RIPOR3: variants seen among roughly 807,000 people sequenced by gnomAD.
RIPOR3 encodes RIPOR family member 3, also known as family with sequence similarity 65 member C.
RIPOR3 carries 95 observed loss-of-function variants against 114.3 expected under a neutral mutation model. The ratio of observed to expected loss-of-function variants is 0.83; its 90% CI spans 0.70 to 0.99. The LOEUF is 0.99. Among genes scored for constraint, RIPOR3 ranks in the 50% least tolerant of loss-of-function variants. RIPOR3 has a pLI of 0.00. For synonymous variants in RIPOR3, 575 were observed against 543.8 expected (o/e 1.06, Z -0.80); for missense variants, 1,252 against 1,266.9 (o/e 0.99, Z 0.18).
chr20:50,689,449 T>G lies in RIPOR3; in HGVS notation c.3+1677A>C, dbSNP rs370008477. On this transcript the variant is annotated intron_variant, in intron 1 of 21. Coordinates refer to ENST00000327979, the MANE Select transcript of RIPOR3 (RefSeq NM_001290268.2). ...CCTTGGCCTCTCAAAGTGCTGAGAT[T>G]ACAGGCGTGAGCCACCGCGCCCAGC... 5.9e-5 allele frequency among the ~76,000 whole-genome samples: 9 copies of G among 152,306 alleles called. No homozygotes were observed. The East Asian group carries it at 1.7e-3, about 29-fold the overall frequency.
rs1017276420 is a variant in RIPOR3, at chr20:50,689,419, G to A, written c.3+1707C>T. On this transcript the variant is annotated intron_variant, in intron 1 of 21. Coordinates refer to ENST00000327979, the MANE Select transcript of RIPOR3 (RefSeq NM_001290268.2). ...TCAAACACCTGACTTCAGGTGATCCGCCTGCCTTGGCCTCTCAAAGTGCTG... is the reference window on the plus strand; with the variant it reads ...TCAAACACCTGACTTCAGGTGATCCACCTGCCTTGGCCTCTCAAAGTGCTG... 3.9e-5 allele frequency among the ~76,000 whole-genome samples: 6 copies of A among 152,182 alleles called. No homozygotes were observed. In the East Asian group the frequency reaches 5.8e-4, roughly 15 times the overall value.
chr20:50,671,414 GTGCACGCGCGCGCGCA>G (rs1327280617), intron 1 of RIPOR3, among the ~76,000 whole-genome samples: 1 of 85,728 alleles, frequency 1.2e-5, no homozygotes, highest in Non-Finnish European at 2.3e-5. Context: ...GCACGCGCGC[GTGCACGCGCGCGCGCA>G]CACACACACA....
chr20:50,608,518 C>T lies in RIPOR3; in HGVS notation c.827G>A (p.Gly276Asp), dbSNP rs781067754. The T allele has an allele frequency of 1.9e-6, 3 of 1,613,704 alleles. No homozygotes were observed. Among genetic ancestry groups the T allele is most frequent in the Non-Finnish European group, 2.5e-6 (3 of 1,179,920 alleles). ...TGCACCCACAGCCAGCGAGCCCAGG[C>T]CCCGCAACTCCGTCACCTGGGGGTG... Reference protein sequence around the residue: ...NLDIKVTELRGLGSLAVGAVT... With the variant: ...NLDIKVTELRDLGSLAVGAVT... Residue 276 changes from glycine to aspartate, a missense_variant, in exon 11 of 22, where the codon GGC becomes GAC. Transcript: ENST00000327979.
chr20:50,635,886 A>G (rs1251171739), intron 1 of RIPOR3, among the ~76,000 whole-genome samples: 2 of 152,176 alleles, frequency 1.3e-5, no homozygotes, highest in African/African-American at 4.8e-5. Flanking sequence ...GACCTCCTCC[A>G]GCGGGGAAGA....
intron 1 of RIPOR3, among the ~76,000 whole-genome samples, chr20:50,641,153 C>T (rs1397717393): frequency 2.6e-5 from 4 of 151,950 alleles, no homozygotes; most frequent in Admixed American, 1.3e-4. Context: ...TCAGGTAATC[C>T]GCCTGCCTCG....
At chr20:50,603,340 G>C (rs954286328) in intron 12 of RIPOR3, among the ~76,000 whole-genome samples, 2 of 152,212 alleles carry the variant, frequency 1.3e-5, no homozygotes, top group Non-Finnish European at 2.9e-5. Flanking sequence ...CTGGGCTCAA[G>C]CAATTCTCCT....
At chr20:50,664,757 C>T (rs1266755631) in intron 1 of RIPOR3, among the ~76,000 whole-genome samples, 3 of 151,950 alleles carry the variant, frequency 2.0e-5, no homozygotes, top group Admixed American at 6.6e-5. Context: ...TATGGGCTCA[C>T]TAGGAAAGGG....
intron 1 of RIPOR3, among the ~76,000 whole-genome samples, chr20:50,647,149 G>A (rs1165106116): frequency 6.6e-6 from 1 of 152,108 alleles, no homozygotes; most frequent in Non-Finnish European, 1.5e-5. Flanking sequence ...GCAAAACCCT[G>A]TCTCTATTAA....
At chr20:50,590,879 A>G (rs973234511) in intron 19 of RIPOR3, among the ~76,000 whole-genome samples, 4 of 150,800 alleles carry the variant, frequency 2.7e-5, no homozygotes, top group Non-Finnish European at 5.9e-5. Flanking sequence ...CAGTAGCACA[A>G]TCTCGGCTCC....
At chr20:50,611,271 G>A (rs2083969395) in intron 4 of RIPOR3, 67 bp from the exon 5 acceptor site, 10 of 1,607,586 alleles carry the variant, frequency 6.2e-6, no homozygotes, top group African/African-American at 5.3e-5. Flanking sequence ...AGGCCTATGA[G>A]GCTCTATGCT....
chr20:50,622,943 T>C (rs2084472631), intron 2 of RIPOR3, among the ~76,000 whole-genome samples: 2 of 152,136 alleles, frequency 1.3e-5, no homozygotes, highest in African/African-American at 4.8e-5. Context: ...CCTATCTGTA[T>C]CTTTCCCCTG....
chr20:50,600,032 C>G (rs1049523950), intron 13 of RIPOR3, among the ~76,000 whole-genome samples: 1 of 152,134 alleles, frequency 6.6e-6, no homozygotes, highest in Non-Finnish European at 1.5e-5. Context: ...TCCCAAGTAG[C>G]TGGGACTACA....
rs374881854 is a variant in RIPOR3 at position 50,630,803 on chromosome 20, G to A, written c.57C>T (p.Ala19=). Residue 19 remains alanine, a synonymous_variant, in exon 2 of 22, where the codon GCC becomes GCT. Transcript: ENST00000327979. ...AGGCGCTCCGGCCCACGACCCCCAC[G>A]GCCCCTGTGTCCCCAGGGGACAGGA... The part of the protein sequence containing the change: ...LRFLSPGDTG[A]VGVVGRSASF... 12 of 1,611,822 alleles carry A rather than the reference G, an allele frequency of 7.4e-6. No homozygotes were observed. Among genetic ancestry groups the A allele is most frequent in the South Asian group, 2.2e-5 (2 of 90,726 alleles).
At chr20:50,587,749 T>G in intron 21 of RIPOR3, 53 bp downstream of exon 21, 15 of 1,573,926 alleles carry the variant, frequency 9.5e-6, no homozygotes, top group Non-Finnish European at 1.2e-5. Context: ...CTCTCGCAGA[T>G]TCTAAGGGCC....
chr20:50,683,458 T>TC (rs2086923636), intron 1 of RIPOR3, among the ~76,000 whole-genome samples: 1 of 151,352 alleles, frequency 6.6e-6, no homozygotes, highest in Middle Eastern at 3.2e-3. Context: ...CTTTTTCTTT[T>TC]TTTTTTTTCT....
intron 1 of RIPOR3, among the ~76,000 whole-genome samples, chr20:50,638,682 G>T (rs1452265191): frequency 6.6e-6 from 1 of 152,070 alleles, no homozygotes; most frequent in Non-Finnish European, 1.5e-5. Flanking sequence ...TGGGGGTGTG[G>T]GGGATGAAGG....
intron 1 of RIPOR3, among the ~76,000 whole-genome samples, chr20:50,672,066 G>A (rs1165911248): frequency 6.6e-6 from 1 of 152,086 alleles, no homozygotes; most frequent in African/African-American, 2.4e-5. Context: ...GGATGGATGG[G>A]TGGATAGATG....
At chr20:50,646,618 C>T (rs1377479554) in intron 1 of RIPOR3, among the ~76,000 whole-genome samples, 1 of 152,168 alleles carries the variant, frequency 6.6e-6, no homozygotes, top group Non-Finnish European at 1.5e-5. Context: ...CCCTGCTCTA[C>T]CAGCCACTAT....
chr20:50,628,334 T>C lies in RIPOR3; in HGVS notation c.122+2404A>G, dbSNP rs79357754. Among the ~76,000 whole-genome samples, 968 of 152,166 alleles carry C rather than the reference T, an allele frequency of 6.4e-3. 5 individuals carry two copies. The highest frequency in any genetic ancestry group is 0.01 in the Admixed American group (155 of 15,280). On this transcript the variant is annotated intron_variant, in intron 2 of 21. Transcript: ENST00000327979. ...TTCCCAGGCTCCCCTCCACTGAGAA[T>C]GTGTCTCAAGGCCTCACTGCAGCCC...
Sources: allele counts gnomAD v4.1 joint callset (sites outside exome capture counted in the v4.1 genomes callset), GRCh38; gene constraint gnomAD v4.1.1; transcripts MANE v1.5; gene names NCBI Gene and HGNC (gene_info 2026-07-23, HGNC 2026-07-21).